The following TEX11 variants were observed in gnomAD, a reference collection of about 807,000 sequenced individuals.
TEX11 encodes testis-expressed protein 11.
Under a neutral mutation model 84.4 loss-of-function variants are expected in TEX11, and 7 were observed. The ratio of observed to expected loss-of-function variants is 0.08; its 90% CI spans 0.05 to 0.16. TEX11 has a LOEUF of 0.16. Among genes scored for constraint, TEX11 ranks in the 10% least tolerant of loss-of-function variants. TEX11 has a pLI of 1.00. For synonymous variants in TEX11, 264 were observed against 222.8 expected (o/e 1.18, Z -1.64); for missense variants, 551 against 660.5 (o/e 0.83, Z 1.82).
chrX:70,638,651 A>G (rs1428589199), intron 17 of TEX11, among the ~76,000 whole-genome samples: 1 of 109,503 alleles, frequency 9.1e-6, no homozygotes, highest in Non-Finnish European at 1.9e-5. Context: ...AATGCAAAAA[A>G]TTATCTGGGC....
chrX:70,783,624 T>C (rs2091057375), intron 9 of TEX11, among the ~76,000 whole-genome samples: 2 of 111,409 alleles, frequency 1.8e-5, no homozygotes, highest in Middle Eastern at 4.6e-3. Context: ...ATAGACGCTA[T>C]AAAAAATGAC....
At chrX:70,596,838 C>T (rs374856219) in intron 24 of TEX11, among the ~76,000 whole-genome samples, 198 of 110,434 alleles carry the variant, frequency 1.8e-3, no homozygotes, top group African/African-American at 4.7e-3. Flanking sequence ...AAGTTGTTCT[C>T]GAAAAGAACA....
At chrX:70,743,142 T>A (rs777847286) in intron 10 of TEX11, among the ~76,000 whole-genome samples, 1 of 112,327 alleles carries the variant, frequency 8.9e-6, no homozygotes, top group Non-Finnish European at 1.9e-5. Flanking sequence ...CCATACATTA[T>A]CTGTCTTTTT....
intron 2 of TEX11, among the ~76,000 whole-genome samples, chrX:70,894,188 A>T (rs748466168): frequency 1.8e-5 from 2 of 111,346 alleles, no homozygotes; most frequent in Non-Finnish European, 3.8e-5. Flanking sequence ...ATTCCAAACA[A>T]TAGAAAAAGA....
chrX:70,548,062 C>T (rs1433552077), intron 28 of TEX11, among the ~76,000 whole-genome samples: 1 of 111,496 alleles, frequency 9.0e-6, no homozygotes, highest in Admixed American at 9.5e-5. Context: ...AATTGGCACA[C>T]ATACACCATG....
chrX:70,705,381 TTGGGCAGTA>T (rs1248196119), intron 13 of TEX11, among the ~76,000 whole-genome samples: 3 of 111,589 alleles, frequency 2.7e-5, no homozygotes, highest in African/African-American at 9.8e-5. Context: ...ATAAATTACC[TTGGGCAGTA>T]TGGCTATTTT....
chrX:70,787,419 C>T (rs2091086506), intron 9 of TEX11, among the ~76,000 whole-genome samples: 1 of 109,914 alleles, frequency 9.1e-6, no homozygotes, highest in Middle Eastern at 4.7e-3. Flanking sequence ...CAACCTCCAC[C>T]TCCCAGGTTC....
chrX:70,642,257 T>C (rs1306752949), intron 17 of TEX11, among the ~76,000 whole-genome samples: 1 of 111,874 alleles, frequency 8.9e-6, no homozygotes, highest in African/African-American at 3.2e-5. Context: ...TAACAGGATC[T>C]GATATTGTGG....
At chrX:70,711,913 A>G (rs749960962) in intron 13 of TEX11, among the ~76,000 whole-genome samples, 78 of 111,575 alleles carry the variant, frequency 7.0e-4, no homozygotes, top group Non-Finnish European at 1.3e-3. Flanking sequence ...TAGGGTTTTT[A>G]TGGTTTTAGG....
At chrX:70,873,763 T>C (rs1024952172) in intron 3 of TEX11, among the ~76,000 whole-genome samples, 26 of 112,365 alleles carry the variant, frequency 2.3e-4, no homozygotes, top group African/African-American at 8.1e-4. Context: ...ACCCAATTTA[T>C]GCACAGCAGT....
intron 25 of TEX11, among the ~76,000 whole-genome samples, chrX:70,558,804 A>T (rs994179588): frequency 3.6e-5 from 4 of 112,143 alleles, no homozygotes; most frequent in Admixed American, 2.9e-4. Flanking sequence ...ACCATCTGAA[A>T]AGATGCTCAA....
At chrX:70,906,462 A>G (rs2091834511) in intron 2 of TEX11, among the ~76,000 whole-genome samples, 2 of 110,810 alleles carry the variant, frequency 1.8e-5, no homozygotes, top group Admixed American at 2.0e-4. Flanking sequence ...CTTAAAGTAG[A>G]TAGTAGCAGG....
intron 13 of TEX11, among the ~76,000 whole-genome samples, chrX:70,710,733 TAAAGTTTGAGAAGCACTAAC>T (rs2090422199): frequency 9.0e-6 from 1 of 110,596 alleles, no homozygotes; most frequent in Non-Finnish European, 1.9e-5. Context: ...ATATACACAT[TAAAGTTTGAGAAGCACTAAC>T]ATAAAGCAAC....
chrX:70,748,160 T>C (rs1273969714), intron 9 of TEX11, among the ~76,000 whole-genome samples: 1 of 110,328 alleles, frequency 9.1e-6, no homozygotes, highest in African/African-American at 3.3e-5. Flanking sequence ...AAAGGACAAA[T>C]AAATATTCAA....
intron 15 of TEX11, among the ~76,000 whole-genome samples, chrX:70,678,262 CCT>C (rs2090091656): frequency 9.1e-6 from 1 of 110,494 alleles, no homozygotes; most frequent in African/African-American, 3.3e-5. Flanking sequence ...TAAAACAGTC[CCT>C]GTTACTACAT....
chrX:70,583,436 T>G (rs1376692618), intron 25 of TEX11, among the ~76,000 whole-genome samples: 3 of 112,242 alleles, frequency 2.7e-5, no homozygotes, highest in Non-Finnish European at 5.6e-5. Flanking sequence ...ATGACCTGAT[T>G]TCATTCTATT....
chrX:70,774,632 C>A (rs1266024182), intron 9 of TEX11, among the ~76,000 whole-genome samples: 1 of 110,735 alleles, frequency 9.0e-6, no homozygotes, highest in Non-Finnish European at 1.9e-5. Flanking sequence ...ACAAAAAATG[C>A]CTAGTAATAA....
chrX:70,552,019 T>C, intron 28 of TEX11, 107 bp downstream of exon 28: 2 of 887,827 alleles, frequency 2.3e-6, no homozygotes, highest in East Asian at 7.6e-5. Flanking sequence ...AATATGAATT[T>C]ATCCTAAAAC....
At chrX:70,554,541 A>C in intron 26 of TEX11, 110 bp downstream of exon 26, 2 of 738,855 alleles carry the variant, frequency 2.7e-6, no homozygotes, top group Non-Finnish European at 1.9e-6. Context: ...AAGTGCTATG[A>C]GAAAAAATTA....
Sources: gnomAD v4.1 joint callset for allele counts (sites outside exome capture counted in the v4.1 genomes callset) on GRCh38, gnomAD v4.1.1 for gene constraint, MANE v1.5 for transcripts, NCBI Gene and HGNC (gene_info 2026-07-23, HGNC 2026-07-21) for gene names.